MAPT: variants seen among roughly 807,000 people sequenced by gnomAD.
The protein encoded by MAPT is microtubule associated protein tau, also known as microtubule-associated protein tau.
Under a neutral mutation model 67.9 loss-of-function variants are expected in MAPT, and 34 were observed. The ratio of observed to expected loss-of-function variants is 0.50; its 90% CI spans 0.38 to 0.67. The LOEUF (loss-of-function observed/expected upper bound fraction) is 0.67, where lower values mean the gene tolerates loss of function less well. Ranked by LOEUF, MAPT falls within the 30% of genes least tolerant of loss-of-function variation. The probability of loss-of-function intolerance (pLI) is 0.00; values close to 1 mark genes in which losing one functional copy is unlikely to be tolerated. For synonymous variants in MAPT, 456 were observed against 464.5 expected, an observed-to-expected ratio of 0.98 and a Z score of 0.23; for missense variants, 881 against 1,115.2, an observed-to-expected ratio of 0.79 and a Z score of 2.99.
intron 1 of MAPT, among the ~76,000 whole-genome samples, chr17:45,920,445 G>T (rs1274836258): frequency 6.6e-6 from 1 of 152,186 alleles, no homozygotes; most frequent in Non-Finnish European, 1.5e-5. Context: ...TGGTCCCTCA[G>T]CTCATGAGGG....
chr17:46,009,664 A>T (rs2075689409), intron 9 of MAPT, among the ~76,000 whole-genome samples: 1 of 152,202 alleles, frequency 6.6e-6, no homozygotes, highest in Non-Finnish European at 1.5e-5. Flanking sequence ...TTCCCCACAA[A>T]GCGGCCTGTG....
intron 1 of MAPT, among the ~76,000 whole-genome samples, chr17:45,938,766 C>G (rs2067587538): frequency 6.6e-6 from 1 of 151,738 alleles, no homozygotes; most frequent in Admixed American, 6.6e-5. Flanking sequence ...ACCTCAGCTT[C>G]CCTAGTAGCT....
At chr17:45,921,179 T>C (rs746244824) in intron 1 of MAPT, among the ~76,000 whole-genome samples, 1 of 152,188 alleles carries the variant, frequency 6.6e-6, no homozygotes. Context: ...ACGCTTCTCC[T>C]TTTAGGTTTG....
chr17:46,005,523 C>T (rs2075351751), intron 9 of MAPT, among the ~76,000 whole-genome samples: 1 of 152,178 alleles, frequency 6.6e-6, no homozygotes, highest in South Asian at 2.1e-4. Flanking sequence ...GCCAGAGGAC[C>T]ACTTGAGCCC....
intron 10 of MAPT, among the ~76,000 whole-genome samples, chr17:46,013,774 C>G (rs573752355): frequency 1.8e-4 from 27 of 152,342 alleles, no homozygotes; most frequent in African/African-American, 6.0e-4. Flanking sequence ...GCAGATACCC[C>G]ACTCCTGCCT....
In MAPT at chr17:45,931,248, A is replaced by G. The variant is rs552120677; in HGVS notation, c.-17-31073A>G. 1.3e-4 allele frequency among the ~76,000 whole-genome samples: 20 copies of G among 152,220 alleles called. No individual in the cohort carries two copies. The South Asian group carries it at 3.7e-3, about 28-fold the overall frequency. Reference sequence around the variant, plus strand: ...ACCCAGCGCTGACCTTTGTTTAACAACCTCACCTATATATGACAAAATGAT... The same window carrying G: ...ACCCAGCGCTGACCTTTGTTTAACAGCCTCACCTATATATGACAAAATGAT... On this transcript the variant is annotated intron_variant, in intron 1 of 12. Coordinates refer to ENST00000262410, the MANE Select transcript of MAPT (RefSeq NM_001377265.1).
intron 9 of MAPT, among the ~76,000 whole-genome samples, chr17:46,009,361 A>AGCCCCCCCTTGCAGG (rs1598376725): frequency 6.8e-6 from 1 of 147,576 alleles, no homozygotes. Context: ...TCTATTTCAT[A>AGCCCCCCCTTGCAGG]GTTCTTAGGC....
At chr17:45,998,588 G>A (rs1303021066) in intron 9 of MAPT, among the ~76,000 whole-genome samples, 4 of 152,108 alleles carry the variant, frequency 2.6e-5, no homozygotes, top group Admixed American at 6.5e-5. Flanking sequence ...ATTAAGGTCC[G>A]GCCTTTTCCT....
In MAPT at chr17:45,997,617, C is replaced by CGTG. The variant is rs763939727; in HGVS notation, c.1998+963_1998+965dup. ...TACTAAAAATACAAAAATACCTGGG[C>CGTG]GTGGTGGTGGTGCGCGCCTATAATC... On this transcript the variant is annotated intron_variant, in intron 9 of 12. Coordinates refer to ENST00000262410, the MANE Select transcript of MAPT (RefSeq NM_001377265.1). 4.6e-5 allele frequency among the ~76,000 whole-genome samples: 7 copies of CGTG among 152,114 alleles called. No homozygotes were observed. In the East Asian group the frequency reaches 1.4e-3, roughly 29 times the overall value.
intron 1 of MAPT, among the ~76,000 whole-genome samples, chr17:45,929,926 G>A (rs1052982582): frequency 2.0e-5 from 3 of 152,132 alleles, no homozygotes; most frequent in Non-Finnish European, 4.4e-5. Context: ...CAGATAATGG[G>A]TATCCAGTTC....
At chr17:45,907,724 T>C (rs2144052229) in intron 1 of MAPT, 1 of 152,352 alleles carries the variant, frequency 6.6e-6, no homozygotes, top group East Asian at 1.9e-4. Context: ...TCAGACCAAC[T>C]TAACGCACTC....
At chr17:45,994,122 T>C in intron 8 of MAPT, 1 of 718,696 alleles carries the variant, frequency 1.4e-6, no homozygotes, top group Non-Finnish European at 2.3e-6. Context: ...GCAGTCCGAA[T>C]TCTCTTCCCT....
intron 1 of MAPT, chr17:45,908,165 G>A (rs1387259236): frequency 6.6e-6 from 1 of 152,252 alleles, no homozygotes; most frequent in African/African-American, 2.4e-5. Flanking sequence ...CGCCGGTGAC[G>A]GCAGAACCAA....
intron 1 of MAPT, among the ~76,000 whole-genome samples, chr17:45,941,717 T>G (rs141455452): frequency 0.027 from 2,333 of 88,024 alleles, 193 homozygotes; most frequent in Middle Eastern, 0.054. Flanking sequence ...CTTCCTTCCT[T>G]CCTTCCTTCC....
chr17:46,011,968 C>G (rs59761045), intron 10 of MAPT, among the ~76,000 whole-genome samples: 1 of 152,178 alleles, frequency 6.6e-6, no homozygotes, highest in Non-Finnish European at 1.5e-5. Flanking sequence ...CTGTCTCCCA[C>G]GCCCTGCTCT....
In MAPT at chr17:46,010,784, T is replaced by C. The variant is rs1180332848; in HGVS notation, c.2091+382T>C. On this transcript the variant is annotated intron_variant, in intron 10 of 12. Transcript: ENST00000262410. This position sits in a 1 kb window ranked among gnomAD's most constrained non-coding sequence, Gnocchi z 4.7. Reference sequence around the variant, plus strand: ...CAGGAGCCCCATAGCCCATTGGAAGTTGGGCTGAAGGTGGTGGCACCTGAG... The same window carrying C: ...CAGGAGCCCCATAGCCCATTGGAAGCTGGGCTGAAGGTGGTGGCACCTGAG... 6.6e-6 allele frequency among the ~76,000 whole-genome samples: 1 copy of C among 152,202 alleles called. No homozygotes were observed. The highest frequency in any genetic ancestry group is 2.4e-5 in the African/African-American group (1 of 41,448).
Position 45,974,532 on chromosome 17 carries a change from CTG to C in MAPT, c.220+2590_220+2591del, listed in dbSNP as rs199881243. On this transcript the variant is annotated intron_variant, in intron 3 of 12. Coordinates refer to ENST00000262410, the MANE Select transcript of MAPT (RefSeq NM_001377265.1). Reference sequence around the variant, plus strand: ...GGCCCTGCTGGGTGCCCCAGCTGACCTGTGACAGAAGTGAGGGAGCTTTGCGT... The same window carrying C: ...GGCCCTGCTGGGTGCCCCAGCTGACCTGACAGAAGTGAGGGAGCTTTGCGT... 190 of 1,346,246 alleles carry C rather than the reference CTG, an allele frequency of 1.4e-4. 2 individuals carry two copies. In the East Asian group the frequency reaches 4.4e-3, roughly 31 times the overall value. 83.4% of individuals were successfully genotyped at this position (1,346,246 alleles called of 1,614,324 possible).
intron 1 of MAPT, among the ~76,000 whole-genome samples, chr17:45,902,584 T>C (rs1447312225): frequency 6.6e-6 from 1 of 152,164 alleles, no homozygotes; most frequent in Non-Finnish European, 1.5e-5. Context: ...TGGGGAAACT[T>C]ATAAATTAGT....
At position 46,027,987 on chromosome 17, in the gene MAPT, A is replaced by G. The variant is rs1364124741; in HGVS notation, c.*3816A>G. On this transcript the variant is annotated 3_prime_UTR_variant, in exon 13 of 13. Coordinates refer to ENST00000262410, the MANE Select transcript of MAPT (RefSeq NM_001377265.1). ...CAAGTAAAGCCACGAGGTCGGGGCG[A>G]GGGCAGAGGTGATCACCTGCGTGTC... 6.5e-6 allele frequency: 1 copy of G among 154,350 alleles called. No individual in the cohort carries two copies. The allele number at this position is 154,350 out of a possible 1,614,324, so 9.6% of individuals were successfully genotyped here. A position where few individuals can be genotyped will look rare whatever the true frequency, so the allele number is the denominator to read the frequency against.
Sources: allele counts gnomAD v4.1 joint callset (sites outside exome capture counted in the v4.1 genomes callset), GRCh38; gene constraint gnomAD v4.1.1; non-coding constraint Gnocchi (gnomAD v3.1); transcripts MANE v1.5; gene names NCBI Gene and HGNC (gene_info 2026-07-23, HGNC 2026-07-21).